Variants in KLC3 observed in about 807,000 individuals in gnomAD.
KLC3 encodes the protein kinesin light chain 3, also known as kinesin light chain 2.
In KLC3, 72 loss-of-function variants were observed where a neutral mutation model predicts 62.9. That is an observed-to-expected ratio of 1.15 (90% CI 0.95 to 1.39). KLC3 has a LOEUF of 1.39. Among genes scored for constraint, KLC3 ranks in the 40% most tolerant of loss-of-function variants. The pLI, the probability that KLC3 is intolerant of heterozygous loss-of-function variation, is 0.00. For synonymous variants in KLC3, 377 were observed against 300.5 expected, an observed-to-expected ratio of 1.25 and a Z score of -2.63; for missense variants, 848 against 691.6, an observed-to-expected ratio of 1.23 and a Z score of -2.54.
At chr19:45,351,214 CCTGGAG>C (rs1178982053) in intron 12 of KLC3, 66 bp from the exon 13 acceptor site, 28 of 1,589,798 alleles carry the variant, frequency 1.8e-5, no homozygotes, top group Admixed American at 1.5e-4. Flanking sequence ...CCAGGCTGGA[CCTGGAG>C]CTGGAGGGTG....
At chr19:45,346,015 AAG>A (rs1971482763) in intron 2 of KLC3, among the ~76,000 whole-genome samples, 1 of 151,966 alleles carries the variant, frequency 6.6e-6, no homozygotes, top group African/African-American at 2.4e-5. Context: ...AAAATACAAA[AAG>A]TAGCTGGGCA....
At position 45,350,748 on chromosome 19, in the gene KLC3, G is replaced by C. The variant is rs1405133210; in HGVS notation, c.1379+1G>C. On this transcript the variant is annotated splice_donor_variant, in intron 11 of 12. Transcript: ENST00000391946. LOFTEE classifies it high-confidence loss of function. The stretch of plus-strand genomic sequence containing the variant: ...GCGAGGCGGCGGCAGGAGCAGCCGG[G>C]TGAGTGTTGATCAGGTCGGCAAAGA... 5.6e-6 allele frequency: 9 copies of C among 1,608,966 alleles called. No individual in the cohort carries two copies. In the Admixed American group the frequency reaches 1.2e-4, roughly 21 times the overall value.
rs374979022 is a variant in KLC3, at chr19:45,348,701, C to T, written c.835C>T (p.Arg279Trp). The T allele has an allele frequency of 5.3e-5, 84 of 1,595,760 alleles. No individual in the cohort carries two copies. Among genetic ancestry groups the T allele is most frequent in the South Asian group, 3.5e-4 (31 of 88,028 alleles). ...CCTTCTCCATGATGCCCTGCAGATCCGGGAGCAGACGCTGGGCCCTGAGCA... is the reference window on the plus strand; with the variant it reads ...CCTTCTCCATGATGCCCTGCAGATCTGGGAGCAGACGCTGGGCCCTGAGCA... The part of the protein sequence containing the change: ...TDLLHDALQI[R>W]EQTLGPEHPA... The change falls in exon 6 of 13, where the codon CGG (arginine) becomes TGG (tryptophan). Residue 279 changes from arginine (R) to tryptophan (W), a missense_variant. Coordinates refer to ENST00000391946, the MANE Select transcript of KLC3 (RefSeq NM_177417.3).
chr19:45,350,817 C>T, intron 11 of KLC3, 70 bp downstream of exon 11: 3 of 1,359,250 alleles, frequency 2.2e-6, no homozygotes, highest in African/African-American at 1.4e-5. Flanking sequence ...ACCCCCACCC[C>T]CATCTTGCTC....
Position 45,350,505 on chromosome 19 carries a change from T to C in KLC3, c.1235-9T>C. On this transcript the variant is annotated splice_polypyrimidine_tract_variant and intron_variant, in intron 9 of 12. Transcript: ENST00000391946. ...TCCCCATCTCAGTGTCCCCCATCTT[T>C]CCCCCTAGGTGCCCCCAACACAGGC... is the stretch of plus-strand genomic sequence containing the variant. The C allele has an allele frequency of 6.2e-7, 1 of 1,612,652 alleles. No homozygotes were observed. Among genetic ancestry groups the C allele is most frequent in the Non-Finnish European group, 8.5e-7 (1 of 1,179,518 alleles).
At position 45,345,769 on chromosome 19, in the gene KLC3, G is replaced by T. The variant is rs1164987526; in HGVS notation, c.228G>T (p.Glu76Asp). ...EKQQVVSHSLEAIELGLGEAQ... is the reference protein window; with the variant it reads ...EKQQVVSHSLDAIELGLGEAQ... ...AGCAGGTGGTGAGCCACTCGCTGGA[G>T]GCCATCGAGCTGGGGCTGGGCGAGG... Residue 76 changes from glutamate to aspartate, a missense_variant, in exon 2 of 13, where the codon GAG becomes GAT. Coordinates refer to ENST00000391946, the MANE Select transcript of KLC3 (RefSeq NM_177417.3). 6.4e-7 allele frequency: 1 copy of T among 1,552,158 alleles called. No homozygotes were observed. Among genetic ancestry groups the T allele is most frequent in the Non-Finnish European group, 8.7e-7 (1 of 1,148,400 alleles).
intron 4 of KLC3, 109 bp downstream of exon 4, chr19:45,347,625 A>C (rs1238462497): frequency 1.0e-6 from 1 of 981,934 alleles, no homozygotes. Flanking sequence ...AGGTGAGGGC[A>C]GGGTGAGGAG....
rs752267409 is a variant in KLC3 at position 45,346,726 on chromosome 19, G to A, written c.441G>A (p.Leu147=). 1.9e-6 allele frequency: 3 copies of A among 1,587,614 alleles called. No homozygotes were observed. Among genetic ancestry groups the A allele is most frequent in the Non-Finnish European group, 2.6e-6 (3 of 1,167,874 alleles). ...VAQLEEEKRH[L]EFLGQLRQYD... is the part of the protein sequence containing the mutation. ...AGCTGGAGGAGGAGAAGCGCCACCT[G>A]GAGTTCCTGGGGCAGCTGCGACAGT... is the stretch of plus-strand genomic sequence containing the variant. The change falls in exon 3 of 13, where the codon CTG becomes CTA. Residue 147 remains leucine, a synonymous_variant. Transcript: ENST00000391946.
At chr19:45,342,547 T>C (rs952160981) in intron 1 of KLC3, among the ~76,000 whole-genome samples, 13 of 152,000 alleles carry the variant, frequency 8.6e-5, no homozygotes, top group African/African-American at 3.1e-4. Context: ...GGGTGGATCA[T>C]TTGAGGTCAG....
In KLC3 at chr19:45,348,159, C is replaced by T. The variant is rs992741151; in HGVS notation, c.778C>T (p.Arg260Trp). ...TMLNILALVY[R>W]DQNKYKEATD... ...GCTCAACATCCTGGCGCTGGTGTACCGGTGAGCACTGCGGCCAGCCATGGC... is the reference window on the plus strand; with the variant it reads ...GCTCAACATCCTGGCGCTGGTGTACTGGTGAGCACTGCGGCCAGCCATGGC... Residue 260 changes from arginine to tryptophan, a missense_variant and splice_region_variant, in exon 5 of 13, where the codon CGG (arginine) becomes TGG (tryptophan). Transcript: ENST00000391946. The T allele has an allele frequency of 3.1e-5, 49 of 1,578,488 alleles. No individual in the cohort carries two copies. The highest frequency in any genetic ancestry group is 1.1e-4 in the Admixed American group (6 of 56,428).
chr19:45,346,692 C>T lies in KLC3; in HGVS notation c.407C>T (p.Ser136Phe). 6.4e-7 allele frequency: 1 copy of T among 1,568,596 alleles called. No homozygotes were observed. Among genetic ancestry groups the T allele is most frequent in the South Asian group, 1.2e-5 (1 of 85,198 alleles). The change falls in exon 3 of 13, where the codon TCC becomes TTC. Residue 136 changes from serine (S) to phenylalanine (F), a missense_variant. Physicochemically the swap from Ser to Phe is radical, Grantham distance 155. Transcript: ENST00000391946. ...CGGCGGCTTCGGGCCAGCGAGGAGT[C>T]CGTGGCCCAGCTGGAGGAGGAGAAG... ...TQRRLRASEE[S>F]VAQLEEEKRH...
At position 45,341,779 on chromosome 19, in the gene KLC3, G is replaced by A. The variant is rs1036946782; in HGVS notation, c.-9+933G>A. Among the ~76,000 whole-genome samples the A allele has an allele frequency of 3.4e-4, 4 of 11,756 alleles. No homozygotes were observed. The Non-Finnish European group carries it at 4.5e-3, about 13-fold the overall frequency. The allele number at this position is 11,756 out of a possible 152,430, so 7.7% of individuals were successfully genotyped here. On this transcript the variant is annotated intron_variant, in intron 1 of 12. Coordinates refer to ENST00000391946, the MANE Select transcript of KLC3 (RefSeq NM_177417.3). ...GAGGTGTGTGAAGCCGTGTGTGCGT[G>A]TGTGTGTGTGTGTGTGTGTGTGTAG... is the stretch of plus-strand genomic sequence containing the variant.
rs1368981435 is a variant in KLC3, at chr19:45,348,980, G to A, written c.969+59G>A. 9.8e-6 allele frequency: 14 copies of A among 1,430,524 alleles called. No individual in the cohort carries two copies. In the East Asian group the frequency reaches 3.2e-4, roughly 33 times the overall value. 88.6% of individuals were successfully genotyped at this position (1,430,524 alleles called of 1,614,324 possible). A position where few individuals can be genotyped will look rare whatever the true frequency, so the allele number is the denominator to read the frequency against. ...CTTGTCCCATGTAGCCCTCCCCAGG[G>A]ATGCTGAGCACGTACATCGTGACCC... On this transcript the variant is annotated intron_variant, in intron 7 of 12. Transcript: ENST00000391946.
At chr19:45,346,795 C>CG (rs1377777821) in intron 3 of KLC3, 21 bp downstream of exon 3, 8 of 1,551,860 alleles carry the variant, frequency 5.2e-6, no homozygotes, top group Non-Finnish European at 6.1e-6. Context: ...CAGGGCGAGG[C>CG]GGGGGGTGCT....
In KLC3 at chr19:45,345,553, G is replaced by A; in HGVS notation, c.12G>A (p.Gln4=). MSV[Q]VAAPGSAGLG... is the part of the protein sequence containing the mutation. ...CCCCAGGAGCAGCAATGTCTGTGCA[G>A]GTAGCGGCTCCTGGAAGTGCAGGGC... Residue 4 remains glutamine, a synonymous_variant, in exon 2 of 13, where the codon CAG becomes CAA. Coordinates refer to ENST00000391946, the MANE Select transcript of KLC3 (RefSeq NM_177417.3). 1 of 1,565,622 alleles carries A rather than the reference G, an allele frequency of 6.4e-7. No individual in the cohort carries two copies. Among genetic ancestry groups the A allele is most frequent in the South Asian group, 1.2e-5 (1 of 84,916 alleles).
rs1257196277 is a variant in KLC3, at chr19:45,347,452, T to C, written c.495T>C (p.Ser165=). The change falls in exon 4 of 13, where the codon TCT becomes TCC. Residue 165 remains serine (S), a synonymous_variant. Transcript: ENST00000391946. ...CCACTTTCCTGTCTCTGCAGCAGTC[T>C]GAGTCCCCGCCTCGCCGAGACAGCC... ...QYDPPAESQQ[S]ESPPRRDSLA... 1.9e-5 allele frequency: 30 copies of C among 1,610,612 alleles called. No homozygotes were observed. The highest frequency in any genetic ancestry group is 2.5e-5 in the Non-Finnish European group (30 of 1,178,646).
intron 12 of KLC3, 45 bp from the exon 13 acceptor site, chr19:45,351,241 T>A: frequency 6.3e-7 from 1 of 1,584,520 alleles, no homozygotes; most frequent in Non-Finnish European, 8.6e-7. Context: ...GATGTAACAC[T>A]TGCCCCTCAC....
rs2123194093 is a variant in KLC3, at chr19:45,349,333, C to T, written c.970-96C>T. The stretch of plus-strand genomic sequence containing the variant: ...CTCTCAGGTCACTCTCTGCTTTGAC[C>T]CTGTAATCCCCAACTCATGACCACC... On this transcript the variant is annotated intron_variant, in intron 7 of 12. Transcript: ENST00000391946. The T allele has an allele frequency of 2.3e-6, 3 of 1,288,590 alleles. No individual in the cohort carries two copies. In the East Asian group the frequency reaches 7.1e-5, roughly 30 times the overall value. The allele number at this position is 1,288,590 out of a possible 1,614,324, so 79.8% of individuals were successfully genotyped here.
At chr19:45,349,654 G>A (rs981924169) in intron 8 of KLC3, 52 bp downstream of exon 8, 7 of 1,397,100 alleles carry the variant, frequency 5.0e-6, no homozygotes, top group Non-Finnish European at 6.7e-6. Flanking sequence ...CCTGCCCTGG[G>A]GAGGCACCCA....
Sources: allele counts gnomAD v4.1 joint callset (sites outside exome capture counted in the v4.1 genomes callset), GRCh38; gene constraint gnomAD v4.1.1; transcripts MANE v1.5; gene names NCBI Gene and HGNC (gene_info 2026-07-23, HGNC 2026-07-21).